GRIA3: variants seen among roughly 807,000 people sequenced by gnomAD.
The protein encoded by GRIA3 is glutamate ionotropic receptor AMPA type subunit 3.
In GRIA3, 3 loss-of-function variants were observed where a neutral mutation model predicts 63.0. That is an observed-to-expected ratio of 0.05 (90% CI 0.02 to 0.12). GRIA3 has a LOEUF of 0.12. Among genes scored for constraint, GRIA3 ranks in the 10% least tolerant of loss-of-function variants. GRIA3 has a pLI of 1.00. For synonymous variants in GRIA3, 274 were observed against 257.9 expected (o/e 1.06, Z -0.60); for missense variants, 347 against 700.9 (o/e 0.50, Z 5.70).
intron 12 of GRIA3, among the ~76,000 whole-genome samples, chrX:123,438,518 T>A (rs949979616): frequency 8.9e-6 from 1 of 112,139 alleles, no homozygotes; most frequent in Non-Finnish European, 1.9e-5. Context: ...TCTATGTTTA[T>A]CTGCTATAAC....
intron 3 of GRIA3, among the ~76,000 whole-genome samples, chrX:123,259,055 A>C (rs955062207): frequency 1.8e-5 from 2 of 112,157 alleles, no homozygotes; most frequent in Middle Eastern, 4.2e-3. Flanking sequence ...TGAAAAAAAT[A>C]ATTTTTAATA....
chrX:123,218,464 T>G (rs750000840), intron 2 of GRIA3, among the ~76,000 whole-genome samples: 1 of 111,398 alleles, frequency 9.0e-6, no homozygotes, highest in Non-Finnish European at 1.9e-5. Context: ...TTGTTTTTTG[T>G]TTTTTGTTTT....
chrX:123,325,971 T>C, intron 3 of GRIA3, 55 bp from the exon 4 acceptor site: 1 of 1,024,822 alleles, frequency 9.8e-7, no homozygotes, highest in Non-Finnish European at 1.4e-6. Context: ...CAGTAGAATC[T>C]TTAATACCTA....
chrX:123,311,973 C>T (rs1173381759), intron 3 of GRIA3, among the ~76,000 whole-genome samples: 1 of 111,922 alleles, frequency 8.9e-6, no homozygotes, highest in East Asian at 2.8e-4. Context: ...TGAACATGTG[C>T]GTCTCTGAGC....
chrX:123,318,525 A>G (rs1603089949), intron 3 of GRIA3, among the ~76,000 whole-genome samples: 1 of 111,907 alleles, frequency 8.9e-6, no homozygotes, highest in South Asian at 3.8e-4. Context: ...AAAGTTCCAC[A>G]GATCTCTAGG....
At chrX:123,226,416 G>A (rs985775991) in intron 2 of GRIA3, among the ~76,000 whole-genome samples, 3 of 112,023 alleles carry the variant, frequency 2.7e-5, no homozygotes, top group East Asian at 2.8e-4. Context: ...CAGAAAAACT[G>A]TGATTCTAAA....
At chrX:123,259,703 C>T (rs2044440437) in intron 3 of GRIA3, among the ~76,000 whole-genome samples, 1 of 111,441 alleles carries the variant, frequency 9.0e-6, no homozygotes, top group African/African-American at 3.3e-5. Context: ...ACTGAGGAAA[C>T]CAAAGCATGG....
chrX:123,487,114 G>T (rs2045946205), intron 15 of GRIA3, among the ~76,000 whole-genome samples: 1 of 112,525 alleles, frequency 8.9e-6, no homozygotes, highest in Non-Finnish European at 1.9e-5. Context: ...GTGCCTCTCT[G>T]GGTTACTGAC....
At chrX:123,349,392 T>C (rs375835944) in intron 4 of GRIA3, among the ~76,000 whole-genome samples, 3 of 112,553 alleles carry the variant, frequency 2.7e-5, no homozygotes, top group Admixed American at 9.4e-5. Context: ...ATGTATTCCA[T>C]TGAGTCATGA....
chrX:123,255,403 T>C (rs1283109859), intron 3 of GRIA3, among the ~76,000 whole-genome samples: 1 of 111,084 alleles, frequency 9.0e-6, no homozygotes, highest in African/African-American at 3.3e-5. Flanking sequence ...ATAAATTTCA[T>C]TTTGTCCAAA....
intron 5 of GRIA3, among the ~76,000 whole-genome samples, chrX:123,394,069 A>T (rs1261782149): frequency 8.9e-6 from 1 of 112,401 alleles, no homozygotes; most frequent in Non-Finnish European, 1.9e-5. Context: ...AGTTGTTAAG[A>T]TTCATTTATT....
At chrX:123,194,391 G>A (rs1046307089) in intron 2 of GRIA3, among the ~76,000 whole-genome samples, 1 of 111,721 alleles carries the variant, frequency 9.0e-6, no homozygotes, top group African/African-American at 3.3e-5. Context: ...AAATGAGATG[G>A]GAAGGGATCA....
In GRIA3 at chrX:123,193,113, C is replaced by A. The variant is rs188321913; in HGVS notation, c.268+7123C>A. Among the ~76,000 whole-genome samples the A allele has an allele frequency of 5.7e-3, 617 of 108,897 alleles. 4 individuals are homozygous for A. The highest frequency in any genetic ancestry group is 0.02 in the African/African-American group (599 of 29,893). 94.6% of individuals were successfully genotyped at this position (108,897 alleles called of 115,157 possible). A position where few individuals can be genotyped will look rare whatever the true frequency, so the allele number is the denominator to read the frequency against. ...AAGTATGTATCTGTCACATTCCCAACAAGTCCGTGTCCATTTCAGCCAGGT... is the reference window on the plus strand; with the variant it reads ...AAGTATGTATCTGTCACATTCCCAAAAAGTCCGTGTCCATTTCAGCCAGGT... On this transcript the variant is annotated intron_variant, in intron 2 of 15. Transcript: ENST00000620443.
chrX:123,466,735 T>C lies in GRIA3; in HGVS notation c.2324+1623T>C, dbSNP rs1004802203. Among the ~76,000 whole-genome samples the C allele has an allele frequency of 6.5e-4, 73 of 112,444 alleles. 1 individual carries two copies. The highest frequency in any genetic ancestry group is 7.8e-4 in the African/African-American group (24 of 30,925). On this transcript the variant is annotated intron_variant, in intron 13 of 15. Coordinates refer to ENST00000620443, the MANE Select transcript of GRIA3 (RefSeq NM_007325.5). Reference sequence around the variant, plus strand: ...TGGCCCAAGGGGCATGAGAATTATATTGAAGCATGTAAACTCACCTCTTGT... The same window carrying C: ...TGGCCCAAGGGGCATGAGAATTATACTGAAGCATGTAAACTCACCTCTTGT...
At chrX:123,414,643 C>T (rs1479294044) in intron 10 of GRIA3, among the ~76,000 whole-genome samples, 3 of 97,884 alleles carry the variant, frequency 3.1e-5, no homozygotes, top group African/African-American at 1.1e-4. Flanking sequence ...CATTGTTCAA[C>T]TCCCACCTAT....
intron 2 of GRIA3, among the ~76,000 whole-genome samples, chrX:123,186,795 GC>G (rs1188289418): frequency 9.0e-6 from 1 of 111,633 alleles, no homozygotes; most frequent in Non-Finnish European, 1.9e-5. Context: ...GAGGCTTGGA[GC>G]AGGAAAACTG....
At chrX:123,247,984 C>T (rs2044368750) in intron 2 of GRIA3, among the ~76,000 whole-genome samples, 1 of 112,057 alleles carries the variant, frequency 8.9e-6, no homozygotes, top group Non-Finnish European at 1.9e-5. Flanking sequence ...CTTTTTCACT[C>T]CTGTATCTCC....
intron 13 of GRIA3, among the ~76,000 whole-genome samples, chrX:123,477,326 A>C (rs1405848981): frequency 8.9e-6 from 1 of 112,769 alleles, no homozygotes; most frequent in African/African-American, 3.2e-5. Flanking sequence ...TTTAAAAAAT[A>C]ATAAACCCAA....
intron 2 of GRIA3, among the ~76,000 whole-genome samples, chrX:123,252,774 T>C (rs966479653): frequency 1.8e-5 from 2 of 112,265 alleles, no homozygotes; most frequent in African/African-American, 6.5e-5. Context: ...TCTAAATTAA[T>C]AGCCCACATT....
Sources: gnomAD v4.1 joint callset for allele counts (sites outside exome capture counted in the v4.1 genomes callset) on GRCh38, gnomAD v4.1.1 for gene constraint, MANE v1.5 for transcripts, NCBI Gene and HGNC (gene_info 2026-07-23, HGNC 2026-07-21) for gene names.